The following RUNX1 variants were observed in gnomAD, a reference collection of about 807,000 sequenced individuals.
RUNX1 encodes RUNX family transcription factor 1.
Under a neutral mutation model 42.8 loss-of-function variants are expected in RUNX1, and 19 were observed. That is an observed-to-expected ratio of 0.44 (90% CI 0.31 to 0.65). The LOEUF is 0.65. Among genes scored for constraint, RUNX1 ranks in the 30% least tolerant of loss-of-function variants. RUNX1 has a pLI of 0.07. For synonymous variants in RUNX1, 271 were observed against 289.4 expected, an observed-to-expected ratio of 0.94 and a Z score of 0.64; for missense variants, 528 against 672.0, an observed-to-expected ratio of 0.79 and a Z score of 2.37.
chr21:35,028,323 A>G (rs1283836523), intron 2 of RUNX1, among the ~76,000 whole-genome samples: 1 of 152,214 alleles, frequency 6.6e-6, no homozygotes, highest in Non-Finnish European at 1.5e-5. Context: ...TGCCAAGTTT[A>G]GGAGTCCCTG....
At chr21:35,012,738 A>G (rs143233077) in intron 2 of RUNX1, among the ~76,000 whole-genome samples, 1 of 152,278 alleles carries the variant, frequency 6.6e-6, no homozygotes, top group East Asian at 1.9e-4. Flanking sequence ...CTATACATTG[A>G]GATGAATGAT....
rs1357151114 is a variant in RUNX1 at position 34,907,726 on chromosome 21, C to A, written c.59-14763G>T. Among the ~76,000 whole-genome samples the A allele has an allele frequency of 6.6e-6, 1 of 152,080 alleles. No individual in the cohort carries two copies. The highest frequency in any genetic ancestry group is 2.4e-5 in the African/African-American group (1 of 41,396). ...ATAACTGCCGAAGTGCCTTGTCAAGCTAAACAGTCATGAGAGGTGAAGGAT... is the reference window on the plus strand; with the variant it reads ...ATAACTGCCGAAGTGCCTTGTCAAGATAAACAGTCATGAGAGGTGAAGGAT... On this transcript the variant is annotated intron_variant, in intron 2 of 8. Transcript: ENST00000675419. The surrounding 1 kb of genome is among the most constrained non-coding windows in gnomAD (Gnocchi z 5.3).
intron 2 of RUNX1, among the ~76,000 whole-genome samples, chr21:34,898,432 G>C (rs1165068193): frequency 6.6e-6 from 1 of 152,286 alleles, no homozygotes; most frequent in Non-Finnish European, 1.5e-5. Flanking sequence ...GTATTGGTGA[G>C]TGAGTCTCCC....
At chr21:34,847,082 C>A (rs915040632) in intron 6 of RUNX1, among the ~76,000 whole-genome samples, 1 of 152,188 alleles carries the variant, frequency 6.6e-6, no homozygotes, top group Non-Finnish European at 1.5e-5. Flanking sequence ...GTGCTCTGAG[C>A]CTCTTCCCAA....
At chr21:34,937,002 G>A (rs77171147) in intron 2 of RUNX1, among the ~76,000 whole-genome samples, 1,688 of 152,086 alleles carry the variant, frequency 0.011, 39 homozygotes, top group African/African-American at 0.038. Context: ...ACAGACAGAG[G>A]GGAGACAAAG....
intron 2 of RUNX1, among the ~76,000 whole-genome samples, chr21:34,950,555 A>G (rs1356821075): frequency 6.6e-6 from 1 of 152,212 alleles, no homozygotes; most frequent in Non-Finnish European, 1.5e-5. Context: ...CCCGGCCAAC[A>G]CGGCAAAACC....
At chr21:34,908,475 G>A (rs1404394671) in intron 2 of RUNX1, among the ~76,000 whole-genome samples, 1 of 152,146 alleles carries the variant, frequency 6.6e-6, no homozygotes, top group African/African-American at 2.4e-5. Context: ...CAGCAAGGTC[G>A]TTGCTCAATT....
chr21:34,944,890 C>A (rs576955026), intron 2 of RUNX1, among the ~76,000 whole-genome samples: 1 of 152,152 alleles, frequency 6.6e-6, no homozygotes, highest in Non-Finnish European at 1.5e-5. Context: ...GCTTGTTTAA[C>A]AGATGGCTTC....
At chr21:34,911,174 T>A (rs977834641) in intron 2 of RUNX1, among the ~76,000 whole-genome samples, 1 of 152,194 alleles carries the variant, frequency 6.6e-6, no homozygotes, top group African/African-American at 2.4e-5. Context: ...CTTCCTGATA[T>A]GCATCATACA....
intron 7 of RUNX1, among the ~76,000 whole-genome samples, chr21:34,818,537 C>T (rs555267528): frequency 6.6e-6 from 1 of 152,232 alleles, no homozygotes; most frequent in South Asian, 2.1e-4. Flanking sequence ...ATGTGTCTAA[C>T]AAGGCCCTCA....
intron 2 of RUNX1, among the ~76,000 whole-genome samples, chr21:34,995,186 A>G (rs921873289): frequency 3.9e-5 from 6 of 152,166 alleles, no homozygotes; most frequent in Admixed American, 1.3e-4. Flanking sequence ...TTGTGAGGCC[A>G]CTATGTCCCC....
intron 2 of RUNX1, among the ~76,000 whole-genome samples, chr21:35,046,008 G>T (rs1325004393): frequency 6.6e-6 from 1 of 152,160 alleles, no homozygotes; most frequent in Non-Finnish European, 1.5e-5. Flanking sequence ...AAATATGTAC[G>T]TGCCGAGGCT....
rs1186988738 is a variant in RUNX1 at position 34,792,226 on chromosome 21, T to G, written c.1352A>C (p.Asp451Ala). The G allele has an allele frequency of 6.5e-7, 1 of 1,539,594 alleles. No homozygotes were observed. Among genetic ancestry groups the G allele is most frequent in the East Asian group, 2.4e-5 (1 of 41,470 alleles). The change falls in exon 9 of 9, where the codon GAC becomes GCC. Residue 451 changes from aspartate (D) to alanine (A), a missense_variant. Around this residue, in one of 3 missense-constraint regions of RUNX1, gnomAD observed 331 missense variants for 382.5 expected, o/e 0.87. Transcript: ENST00000675419. This position sits in a 1 kb window ranked among gnomAD's most constrained non-coding sequence, Gnocchi z 6.9. ...GTGGCTGCCCTCGGCCTCCACCACGTCGCTCTGGTTCGGGAGGCTGGGGTT... is the reference window on the plus strand; with the variant it reads ...GTGGCTGCCCTCGGCCTCCACCACGGCGCTCTGGTTCGGGAGGCTGGGGTT... ...LLNPSLPNQSDVVEAEGSHSN... is the reference protein window; with the variant it reads ...LLNPSLPNQSAVVEAEGSHSN...
At chr21:34,805,199 G>A (rs1232049837) in intron 7 of RUNX1, among the ~76,000 whole-genome samples, 3 of 152,122 alleles carry the variant, frequency 2.0e-5, no homozygotes, top group Non-Finnish European at 4.4e-5. Context: ...AAAAGATAAA[G>A]AGGAAAAAGA....
chr21:34,831,025 G>T (rs891170140), intron 7 of RUNX1, among the ~76,000 whole-genome samples: 2 of 152,112 alleles, frequency 1.3e-5, no homozygotes, highest in African/African-American at 4.8e-5. Flanking sequence ...ACTCACTCGG[G>T]TTGCCCAAAC....
intron 6 of RUNX1, among the ~76,000 whole-genome samples, chr21:34,835,228 A>G (rs982741965): frequency 2.0e-5 from 3 of 152,024 alleles, no homozygotes; most frequent in African/African-American, 7.3e-5. Flanking sequence ...GCTTTTCACA[A>G]GCATTCCTTC....
chr21:34,823,474 A>C (rs1436824392), intron 7 of RUNX1, among the ~76,000 whole-genome samples: 19 of 99,282 alleles, frequency 1.9e-4, no homozygotes, highest in South Asian at 6.8e-4. Flanking sequence ...ATGGAGTTTC[A>C]CTCTTGTCAC....
At chr21:34,816,422 C>T (rs2145977746) in intron 7 of RUNX1, among the ~76,000 whole-genome samples, 1 of 152,062 alleles carries the variant, frequency 6.6e-6, no homozygotes, top group African/African-American at 2.4e-5. Context: ...GCCTGGATGG[C>T]ATCTCGGTGG....
intron 2 of RUNX1, among the ~76,000 whole-genome samples, chr21:34,995,191 G>T (rs1474326348): frequency 6.6e-6 from 1 of 152,122 alleles, no homozygotes; most frequent in Non-Finnish European, 1.5e-5. Context: ...AGGCCACTAT[G>T]TCCCCTTTGG....
Sources: gnomAD v4.1 joint callset for allele counts (sites outside exome capture counted in the v4.1 genomes callset) on GRCh38, gnomAD v4.1.1 for gene constraint, gnomAD v4.1.1 regional missense constraint, Gnocchi (gnomAD v3.1) non-coding constraint, MANE v1.5 for transcripts, NCBI Gene and HGNC (gene_info 2026-07-23, HGNC 2026-07-21) for gene names.